Variants in ULK4 observed in about 807,000 individuals in gnomAD.
The protein encoded by ULK4 is inactive serine/threonine-protein kinase ULK4.
Under a neutral mutation model 160.6 loss-of-function variants are expected in ULK4, and 133 were observed. The observed-to-expected ratio is 0.83, with a 90% confidence interval of 0.72 to 0.96. The LOEUF is 0.96. ULK4 is among the 40% of genes least tolerant of loss of function. The probability of loss-of-function intolerance (pLI) is 0.00; values close to 1 mark genes in which losing one functional copy is unlikely to be tolerated. For missense variants in ULK4, 1,580 were observed against 1,499.5 expected, an observed-to-expected ratio of 1.05 and a Z score of -0.89; for synonymous variants, 534 against 539.8, an observed-to-expected ratio of 0.99 and a Z score of 0.15.
chr3:41,919,891 A>C (rs1385185579), intron 5 of ULK4, 73 bp from the exon 6 acceptor site: 14 of 864,574 alleles, frequency 1.6e-5, no homozygotes, highest in Non-Finnish European at 2.5e-5. Context: ...CCTAGGAAAG[A>C]TCTGATGAGA....
At chr3:41,527,249 G>T (rs1305435459) in intron 32 of ULK4, among the ~76,000 whole-genome samples, 1 of 152,240 alleles carries the variant, frequency 6.6e-6, no homozygotes, top group African/African-American at 2.4e-5. Flanking sequence ...TCAGCAGCTT[G>T]AGATTAAGAA....
intron 32 of ULK4, among the ~76,000 whole-genome samples, chr3:41,531,484 A>T (rs148577071): frequency 1.5e-5 from 2 of 137,900 alleles, no homozygotes; most frequent in South Asian, 2.3e-4. Context: ...AGGAGGGGAG[A>T]GGAGAGGAGA....
At chr3:41,889,716 T>C (rs1697849501) in intron 16 of ULK4, among the ~76,000 whole-genome samples, 1 of 152,234 alleles carries the variant, frequency 6.6e-6, no homozygotes, top group Non-Finnish European at 1.5e-5. Context: ...GTTTGGCAGT[T>C]CTTCAAAAGG....
intron 32 of ULK4, among the ~76,000 whole-genome samples, chr3:41,536,049 A>T (rs2086487559): frequency 6.6e-6 from 1 of 152,206 alleles, no homozygotes; most frequent in African/African-American, 2.4e-5. Context: ...GAGGATTTGC[A>T]CATCTCTTTC....
chr3:41,786,475 G>A (rs902138501), intron 21 of ULK4, among the ~76,000 whole-genome samples: 10 of 151,552 alleles, frequency 6.6e-5, no homozygotes, highest in Non-Finnish European at 1.3e-4. Context: ...GGCGGTGCAC[G>A]CCAGTAGTCC....
At chr3:41,598,859 T>C (rs901437498) in intron 31 of ULK4, among the ~76,000 whole-genome samples, 14 of 152,248 alleles carry the variant, frequency 9.2e-5, no homozygotes, top group Non-Finnish European at 1.9e-4. Flanking sequence ...ACAACATAAA[T>C]TGACTATCTT....
intron 20 of ULK4, among the ~76,000 whole-genome samples, chr3:41,792,885 T>C (rs893377181): frequency 6.6e-6 from 1 of 152,168 alleles, no homozygotes; most frequent in Non-Finnish European, 1.5e-5. Context: ...CTTATTAAAA[T>C]AGAGTATGGC....
chr3:41,297,896 A>G (rs144267387), intron 35 of ULK4, among the ~76,000 whole-genome samples: 5 of 152,230 alleles, frequency 3.3e-5, no homozygotes, highest in African/African-American at 1.2e-4. Flanking sequence ...AAGGTCACAA[A>G]GGATGATGCT....
intron 32 of ULK4, among the ~76,000 whole-genome samples, chr3:41,551,987 A>G (rs777762634): frequency 6.6e-6 from 1 of 152,010 alleles, no homozygotes; most frequent in Non-Finnish European, 1.5e-5. Flanking sequence ...GTGATACATC[A>G]TCTCACAGAA....
At chr3:41,758,511 G>A (rs1183889801) in intron 21 of ULK4, among the ~76,000 whole-genome samples, 1 of 152,180 alleles carries the variant, frequency 6.6e-6, no homozygotes, top group African/African-American at 2.4e-5. Flanking sequence ...TAAGCACGTT[G>A]ATCCAGAATA....
chr3:41,591,041 A>C (rs1401468900), intron 31 of ULK4, among the ~76,000 whole-genome samples: 1 of 152,138 alleles, frequency 6.6e-6, no homozygotes, highest in Non-Finnish European at 1.5e-5. Flanking sequence ...CCACACACCA[A>C]GACTAATCAT....
chr3:41,300,749 T>C (rs2079770013), intron 35 of ULK4, among the ~76,000 whole-genome samples: 1 of 150,520 alleles, frequency 6.6e-6, no homozygotes, highest in Non-Finnish European at 1.5e-5. Flanking sequence ...ACAAGTGATT[T>C]GTGGCTCACA....
At chr3:41,682,152 A>C (rs1256702990) in intron 27 of ULK4, among the ~76,000 whole-genome samples, 1 of 152,226 alleles carries the variant, frequency 6.6e-6, no homozygotes, top group African/African-American at 2.4e-5. Flanking sequence ...CATTACATCA[A>C]GTTTAACCTA....
At chr3:41,706,374 T>TA (rs200455813) in intron 25 of ULK4, among the ~76,000 whole-genome samples, 7,202 of 145,704 alleles carry the variant, frequency 0.049, 360 homozygotes, top group African/African-American at 0.12. Flanking sequence ...TATATATATT[T>TA]AATATATATA....
At chr3:41,957,870 C>A (rs1700537675) in intron 1 of ULK4, among the ~76,000 whole-genome samples, 1 of 151,888 alleles carries the variant, frequency 6.6e-6, no homozygotes, top group African/African-American at 2.4e-5. Flanking sequence ...ATCATCTCTA[C>A]AAGATATTTA....
At chr3:41,510,828 G>A (rs2085546308) in intron 32 of ULK4, among the ~76,000 whole-genome samples, 1 of 152,164 alleles carries the variant, frequency 6.6e-6, no homozygotes. Flanking sequence ...TACAGCAAAA[G>A]TGGTGCTAAG....
At chr3:41,385,603 G>T (rs1007373506) in intron 35 of ULK4, among the ~76,000 whole-genome samples, 3 of 152,012 alleles carry the variant, frequency 2.0e-5, no homozygotes, top group Non-Finnish European at 4.4e-5. Flanking sequence ...GCAGAAAATG[G>T]GAAAAAAAGT....
intron 34 of ULK4, among the ~76,000 whole-genome samples, chr3:41,423,332 T>A (rs184504822): frequency 6.6e-6 from 1 of 152,260 alleles, no homozygotes; most frequent in Admixed American, 6.5e-5. Flanking sequence ...AAATGTGTGA[T>A]ATAAATCTGT....
At chr3:41,622,669 T>A (rs1256310483) in intron 30 of ULK4, among the ~76,000 whole-genome samples, 1 of 152,080 alleles carries the variant, frequency 6.6e-6, no homozygotes, top group African/African-American at 2.4e-5. Flanking sequence ...AAAACCGAGA[T>A]GATGGGTTGA....
Sources: gnomAD v4.1 joint callset for allele counts (sites outside exome capture counted in the v4.1 genomes callset) on GRCh38, gnomAD v4.1.1 for gene constraint, MANE v1.5 for transcripts, NCBI Gene and HGNC (gene_info 2026-07-23, HGNC 2026-07-21) for gene names.